Variants in NCF4 observed in about 807,000 individuals in gnomAD.
NCF4 encodes the protein neutrophil cytosol factor 4.
In NCF4, 30 loss-of-function variants were observed where a neutral mutation model predicts 41.7. The observed-to-expected ratio is 0.72, with a 90% CI of 0.54 to 0.97. The LOEUF (loss-of-function observed/expected upper bound fraction) is 0.97. NCF4 is among the 50% of genes least tolerant of loss of function. The pLI, the probability that NCF4 is intolerant of heterozygous loss-of-function variation, is 0.00. For missense variants in NCF4, 432 were observed against 460.9 expected, an observed-to-expected ratio of 0.94 and a Z score of 0.57; for synonymous variants, 195 against 175.8, an observed-to-expected ratio of 1.11 and a Z score of -0.87.
At position 36,873,274 on chromosome 22, in the gene NCF4, G is replaced by A. The variant is rs534871694; in HGVS notation, c.627+849G>A. 1.5e-3 allele frequency among the ~76,000 whole-genome samples: 222 copies of A among 151,332 alleles called. 1 individual carries two copies. Among genetic ancestry groups the A allele is most frequent in the African/African-American group, 5.3e-3 (217 of 41,212 alleles). ...AGGTAAGATTAGAGGTGAGGATGGG[G>A]GTGAGTTTGGAGTTGAGGATGAAGG... On this transcript the variant is annotated intron_variant, in intron 7 of 9. Coordinates refer to ENST00000248899, the MANE Select transcript of NCF4 (RefSeq NM_000631.5).
At chr22:36,870,675 T>C in intron 5 of NCF4, 133 bp downstream of exon 5, 3 of 1,278,836 alleles carry the variant, frequency 2.3e-6, no homozygotes, top group Non-Finnish European at 3.3e-6. Context: ...GATGATTTGA[T>C]TTATTAGATG....
Position 36,861,069 on chromosome 22 carries a change from G to A in NCF4, c.-103G>A. 6.8e-7 allele frequency: 1 copy of A among 1,481,414 alleles called. No homozygotes were observed. The highest frequency in any genetic ancestry group is 2.0e-5 in the Admixed American group (1 of 50,900). The allele number at this position is 1,481,414 out of a possible 1,614,324, so 91.8% of individuals were successfully genotyped here. A position where few individuals can be genotyped will look rare whatever the true frequency, so the allele number is the denominator to read the frequency against. ...GCTCCTGGGGACTCCCAGGACCACA[G>A]GCTGAGACGAGACGCAGGGTGGCTG... On this transcript the variant is annotated 5_prime_UTR_variant, in exon 1 of 10. Transcript: ENST00000248899.
chr22:36,862,922 C>G (rs770231324), intron 1 of NCF4, among the ~76,000 whole-genome samples: 1 of 152,086 alleles, frequency 6.6e-6, no homozygotes, highest in Non-Finnish European at 1.5e-5. Flanking sequence ...ACCTCGGCCT[C>G]CCCCAGGGCA....
chr22:36,866,101 T>C (rs780388163), intron 3 of NCF4, among the ~76,000 whole-genome samples: 4 of 152,278 alleles, frequency 2.6e-5, no homozygotes, highest in East Asian at 1.9e-4. Flanking sequence ...TCCTGAGCCA[T>C]GAAACAGCAT....
At chr22:36,864,724 CT>C (rs200534565) in intron 2 of NCF4, among the ~76,000 whole-genome samples, 194 bp from the exon 3 acceptor site, 166 of 148,986 alleles carry the variant, frequency 1.1e-3, no homozygotes, top group African/African-American at 4.0e-3. Flanking sequence ...CTTTTCTTTT[CT>C]TTTTTTTTCG....
At position 36,875,715 on chromosome 22, in the gene NCF4, C is replaced by A; in HGVS notation, c.690C>A (p.Phe230Leu). 1 of 1,613,784 alleles carries A rather than the reference C, an allele frequency of 6.2e-7. No homozygotes were observed. The change falls in exon 8 of 10, where the codon TTC (phenylalanine) becomes TTA (leucine). Residue 230 changes from phenylalanine (F) to leucine (L), a missense_variant. Phe to Leu is a conservative substitution (Grantham distance 22, BLOSUM62 0). Transcript: ENST00000248899. ...CCTTCGTGAAGATCCTCAAAGACTT[C>A]CCTGAGGAGGACGACCCCACCAACT... ...PLSFVKILKD[F>L]PEEDDPTNWL...
chr22:36,877,740 C>T lies in NCF4; in HGVS notation c.937C>T (p.Leu313Phe). The stretch of plus-strand genomic sequence containing the variant: ...GCTCATGGTGCGGCAGGCTCGTGGC[C>T]TCCCCTCCCAGAAGCGCCTCTTCCC... ...VALMVRQARGLPSQKRLFPWK... is the reference protein window; with the variant it reads ...VALMVRQARGFPSQKRLFPWK... Residue 313 changes from leucine to phenylalanine, a missense_variant, in exon 10 of 10, where the codon CTC becomes TTC. By Grantham distance (22) the Leu-to-Phe change is conservative. Coordinates refer to ENST00000248899, the MANE Select transcript of NCF4 (RefSeq NM_000631.5). 1 of 1,614,096 alleles carries T rather than the reference C, an allele frequency of 6.2e-7. No homozygotes were observed. Among genetic ancestry groups the T allele is most frequent in the East Asian group, 2.2e-5 (1 of 44,862 alleles).
At chr22:36,862,399 C>T (rs555856713) in intron 1 of NCF4, among the ~76,000 whole-genome samples, 5 of 152,298 alleles carry the variant, frequency 3.3e-5, no homozygotes, top group African/African-American at 4.8e-5. Context: ...TAAGGCTGGC[C>T]GACCTGAATT....
intron 5 of NCF4, 96 bp from the exon 6 acceptor site, chr22:36,871,556 C>T (rs1940054759): frequency 2.9e-6 from 4 of 1,368,174 alleles, no homozygotes; most frequent in Middle Eastern, 3.5e-4. Context: ...CCTCTGCCTT[C>T]CCTGCTCCTT....
intron 4 of NCF4, among the ~76,000 whole-genome samples, chr22:36,868,893 G>A (rs1939990625): frequency 6.6e-6 from 1 of 152,052 alleles, no homozygotes; most frequent in Non-Finnish European, 1.5e-5. Flanking sequence ...CTACCACTCC[G>A]CCCTGACCCA....
At chr22:36,866,868 A>G (rs1240856855) in intron 3 of NCF4, among the ~76,000 whole-genome samples, 1 of 152,110 alleles carries the variant, frequency 6.6e-6, no homozygotes, top group Non-Finnish European at 1.5e-5. Context: ...ATGATTCTAG[A>G]CCCATGGTTC....
At chr22:36,864,782 G>T (rs1939882817) in intron 2 of NCF4, 137 bp from the exon 3 acceptor site, 12 of 1,021,290 alleles carry the variant, frequency 1.2e-5, no homozygotes, top group Non-Finnish European at 1.6e-5. Flanking sequence ...CTTGACAGGG[G>T]TCTCCTTCTC....
intron 1 of NCF4, among the ~76,000 whole-genome samples, chr22:36,861,415 C>G (rs550452737): frequency 6.6e-6 from 1 of 152,342 alleles, no homozygotes; most frequent in Non-Finnish European, 1.5e-5. Flanking sequence ...AACACTGAGG[C>G]TCCAAGAGTG....
At chr22:36,871,790 C>A in intron 6 of NCF4, 81 bp downstream of exon 6, 1 of 1,420,578 alleles carries the variant, frequency 7.0e-7, no homozygotes, top group Non-Finnish European at 9.7e-7. Flanking sequence ...TGGGCCTCTC[C>A]TGCTGGGTGC....
chr22:36,866,528 A>G (rs894165864), intron 3 of NCF4, among the ~76,000 whole-genome samples: 1 of 150,586 alleles, frequency 6.6e-6, no homozygotes, highest in African/African-American at 2.4e-5. Flanking sequence ...CATTCCAAAC[A>G]CTCACCCTGG....
intron 4 of NCF4, 151 bp from the exon 5 acceptor site, chr22:36,870,264 T>C (rs765422120): frequency 6.3e-5 from 72 of 1,141,078 alleles, no homozygotes; most frequent in Non-Finnish European, 8.6e-5. Context: ...AGTTTTCTTA[T>C]TCTTTTAAAC....
chr22:36,870,206 C>T, intron 4 of NCF4: 4 of 693,722 alleles, frequency 5.8e-6, no homozygotes, highest in Non-Finnish European at 9.9e-6. Context: ...CCTCTCCTGA[C>T]CTTGGACCCA....
At chr22:36,874,750 G>A (rs530370525) in intron 7 of NCF4, among the ~76,000 whole-genome samples, 3 of 152,318 alleles carry the variant, frequency 2.0e-5, no homozygotes, top group South Asian at 4.1e-4. Flanking sequence ...AACAGAACAC[G>A]TGCCCAAAGC....
At chr22:36,862,114 A>G (rs537596490) in intron 1 of NCF4, among the ~76,000 whole-genome samples, 84 of 152,332 alleles carry the variant, frequency 5.5e-4, no homozygotes, top group African/African-American at 2.0e-3. Context: ...CTGAGCTCTA[A>G]GCTGCGGGGG....
Sources: allele counts gnomAD v4.1 joint callset (sites outside exome capture counted in the v4.1 genomes callset), GRCh38; gene constraint gnomAD v4.1.1; transcripts MANE v1.5; gene names NCBI Gene and HGNC (gene_info 2026-07-23, HGNC 2026-07-21).